The following ERBB2 variants were observed in gnomAD, a reference collection of about 807,000 sequenced individuals.
ERBB2 encodes the protein receptor tyrosine-protein kinase erbB-2.
Under a neutral mutation model 149.0 loss-of-function variants are expected in ERBB2, and 61 were observed. That is an observed-to-expected ratio of 0.41 (90% CI 0.33 to 0.51). The LOEUF is 0.51. ERBB2 is among the 20% of genes least tolerant of loss of function. The probability of loss-of-function intolerance (pLI) is 0.25; values close to 1 mark genes in which losing one functional copy is unlikely to be tolerated. For missense variants in ERBB2, 1,205 were observed against 1,655.1 expected, an observed-to-expected ratio of 0.73 and a Z score of 4.72; for synonymous variants, 633 against 678.8, an observed-to-expected ratio of 0.93 and a Z score of 1.05.
At chr17:39,699,674 G>C (rs573747122), upstream of ERBB2, 35 of 889,952 alleles carry the variant, frequency 3.9e-5, no homozygotes, top group South Asian at 4.5e-4. Flanking sequence ...AAACAAATAG[G>C]CTTGGGATGG....
rs2145854493 is a variant in ERBB2, at chr17:39,724,915, T to A, written c.2493+4T>A. 6.2e-7 allele frequency: 1 copy of A among 1,613,646 alleles called. No homozygotes were observed. Among genetic ancestry groups the A allele is most frequent in the Non-Finnish European group, 8.5e-7 (1 of 1,179,596 alleles). ...CTGGTGTATGCAGATTGCCAAGGTA[T>A]GCACCTGGGCTCTTTGCAGGTCTCT... On this transcript the variant is annotated splice_donor_region_variant and intron_variant, in intron 20 of 26. Transcript: ENST00000269571.
Position 39,723,251 on chromosome 17 carries a change from C to A in ERBB2, c.1947-68C>A. The A allele has an allele frequency of 6.6e-7, 1 of 1,506,396 alleles. No individual in the cohort carries two copies. Among genetic ancestry groups the A allele is most frequent in the Non-Finnish European group, 9.2e-7 (1 of 1,092,216 alleles). 93.3% of individuals were successfully genotyped at this position (1,506,396 alleles called of 1,614,324 possible). A position where few individuals can be genotyped will look rare whatever the true frequency, so the allele number is the denominator to read the frequency against. On this transcript the variant is annotated intron_variant, in intron 16 of 26. Transcript: ENST00000269571. The surrounding 1 kb of genome is among the most constrained non-coding windows in gnomAD (Gnocchi z 6.2). ...GAATGCCAAACACCTTCATGTCCCC[C>A]GTGGGCCCCCTTTGTCCCTCCCACC...
chr17:39,728,282 C>T lies in ERBB2; in HGVS notation c.*238C>T. On this transcript the variant is annotated 3_prime_UTR_variant, in exon 27 of 27. Coordinates refer to ENST00000269571, the MANE Select transcript of ERBB2 (RefSeq NM_004448.4). ...AGTCTTTGTGGATTCTGAGGCCCTG[C>T]CCAATGAGACTCTAGGGTCCAGTGG... The T allele has an allele frequency of 2.2e-6, 1 of 452,916 alleles. No individual in the cohort carries two copies. 28.1% of individuals were successfully genotyped at this position (452,916 alleles called of 1,614,324 possible).
In ERBB2 at chr17:39,717,397, A is replaced by G. The variant is rs538900246; in HGVS notation, c.1815A>G (p.Lys605=). Residue 605 remains lysine (K), a synonymous_variant, in exon 15 of 27, where the codon AAA becomes AAG. Coordinates refer to ENST00000269571, the MANE Select transcript of ERBB2 (RefSeq NM_004448.4). Reference sequence around the variant, plus strand: ...TGGCCCGCTGCCCCAGCGGTGTGAAACCTGACCTCTCCTACATGCCCATCT... The same window carrying G: ...TGGCCCGCTGCCCCAGCGGTGTGAAGCCTGACCTCTCCTACATGCCCATCT... The part of the protein sequence containing the change: ...FCVARCPSGV[K]PDLSYMPIWK... The G allele has an allele frequency of 1.4e-5, 23 of 1,612,900 alleles. 1 individual carries two copies. In the South Asian group the frequency reaches 2.3e-4, roughly 16 times the overall value.
upstream of ERBB2, among the ~76,000 whole-genome samples, chr17:39,690,990 C>T (rs1007698689): frequency 6.7e-6 from 1 of 149,168 alleles, no homozygotes; most frequent in African/African-American, 2.5e-5. Context: ...CTCCTGAGAT[C>T]GTGCCATTGC....
chr17:39,710,313 G>A (rs2145514786), intron 6 of ERBB2, 27 bp from the exon 7 acceptor site: 1 of 1,613,990 alleles, frequency 6.2e-7, no homozygotes, highest in Non-Finnish European at 8.5e-7. Flanking sequence ...AAACAGCACA[G>A]TGAAAGCCAG....
chr17:39,715,748 A>T lies in ERBB2; in HGVS notation c.1322A>T (p.Tyr441Phe), dbSNP rs2145651099. ...IRGRILHNGA[Y>F]SLTLQGLGIS... ...CCACCTTTCTCCCATAGTGGCGCCT[A>T]CTCGCTGACCCTGCAAGGGCTGGGC... Residue 441 changes from tyrosine (Y) to phenylalanine (F), a missense_variant, in exon 12 of 27, where the codon TAC (tyrosine) becomes TTC (phenylalanine). By Grantham distance (22) the Tyr-to-Phe change is conservative (BLOSUM62 3). Coordinates refer to ENST00000269571, the MANE Select transcript of ERBB2 (RefSeq NM_004448.4). 6.2e-7 allele frequency: 1 copy of T among 1,606,284 alleles called. No individual in the cohort carries two copies. Among genetic ancestry groups the T allele is most frequent in the Non-Finnish European group, 8.5e-7 (1 of 1,179,946 alleles).
At chr17:39,691,556 A>AAAAAAAAAAAAAATATATATATATAT (rs573116217), upstream of ERBB2, among the ~76,000 whole-genome samples, 1 of 84,200 alleles carries the variant, frequency 1.2e-5, no homozygotes, top group African/African-American at 5.0e-5. Context: ...TAAAAAAAAA[A>AAAAAAAAAAAAAATATATATATATAT]ATATATATAT....
chr17:39,717,267 T>G, intron 14 of ERBB2, 53 bp from the exon 15 acceptor site: 1 of 1,474,202 alleles, frequency 6.8e-7, no homozygotes, highest in Middle Eastern at 2.5e-4. Flanking sequence ...CTGATCCTAC[T>G]GCCCTGGGGG....
chr17:39,720,137 A>T (rs1334782032), intron 16 of ERBB2: 1 of 418,504 alleles, frequency 2.4e-6, no homozygotes, highest in Non-Finnish European at 4.4e-6. Context: ...GAGACTGAGA[A>T]GAGTACAGCT....
Position 39,727,573 on chromosome 17 carries a change from G to C in ERBB2, c.3412+26G>C, listed in dbSNP as rs2143265885. The C allele has an allele frequency of 6.3e-7, 1 of 1,586,608 alleles. No homozygotes were observed. Among genetic ancestry groups the C allele is most frequent in the Non-Finnish European group, 8.5e-7 (1 of 1,172,898 alleles). ...GTATGGAGTCCAGTCTAAGCAGAGA[G>C]ACTGATGGGCAGGGGAGGTGGGACC... On this transcript the variant is annotated intron_variant, in intron 26 of 26. Coordinates refer to ENST00000269571, the MANE Select transcript of ERBB2 (RefSeq NM_004448.4). The surrounding 1 kb of genome is among the most constrained non-coding windows in gnomAD (Gnocchi z 4.3).
rs1310555909 is a variant in ERBB2 at position 39,700,206 on chromosome 17, C to G, written c.-33C>G. On this transcript the variant is annotated 5_prime_UTR_variant, in exon 1 of 27. Transcript: ENST00000269571. ...CCGCGCCCTCCCAGCCGGGTCCAGC[C>G]GGAGCCATGGGGCCGGAGCCGCAGT... is the stretch of plus-strand genomic sequence containing the variant. The G allele has an allele frequency of 1.1e-5, 15 of 1,421,550 alleles. No homozygotes were observed. The highest frequency in any genetic ancestry group is 1.4e-5 in the Non-Finnish European group (15 of 1,091,678). The allele number at this position is 1,421,550 out of a possible 1,614,324, so 88.1% of individuals were successfully genotyped here.
At chr17:39,698,099 C>G (rs764312682), upstream of ERBB2, among the ~76,000 whole-genome samples, 4 of 152,142 alleles carry the variant, frequency 2.6e-5, no homozygotes, top group Non-Finnish European at 5.9e-5. Context: ...ATTTATTGAG[C>G]AATTATTATG....
Position 39,723,795 on chromosome 17 carries a change from A to C in ERBB2, c.2209-117A>C. On this transcript the variant is annotated intron_variant, in intron 18 of 26. Transcript: ENST00000269571. The surrounding 1 kb of genome is among the most constrained non-coding windows in gnomAD (Gnocchi z 6.2). The stretch of plus-strand genomic sequence containing the variant: ...GGAGGGCAGTTACAGCGGAGAAGGG[A>C]GCGGGGCCAAGCCCTAGGGTGGTGA... 1 of 1,478,846 alleles carries C rather than the reference A, an allele frequency of 6.8e-7. No individual in the cohort carries two copies. The highest frequency in any genetic ancestry group is 1.4e-5 in the African/African-American group (1 of 72,262). 91.6% of individuals were successfully genotyped at this position (1,478,846 alleles called of 1,614,324 possible). A position where few individuals can be genotyped will look rare whatever the true frequency, so the allele number is the denominator to read the frequency against.
At chr17:39,709,561 C>G in intron 4 of ERBB2, 109 bp downstream of exon 4, 1 of 1,285,504 alleles carries the variant, frequency 7.8e-7, no homozygotes, top group Non-Finnish European at 1.1e-6. Flanking sequence ...GCCGCCTACA[C>G]CACCCATTTC....
Position 39,723,488 on chromosome 17 carries a change from G to A in ERBB2, c.2085+31G>A, listed in dbSNP as rs747584308. Reference sequence around the variant, plus strand: ...GCGGGGTGAAGTCCTCCCAGCCCGCGTGGGGTCTGCACCGGCCCCCGGCAC... The same window carrying A: ...GCGGGGTGAAGTCCTCCCAGCCCGCATGGGGTCTGCACCGGCCCCCGGCAC... On this transcript the variant is annotated intron_variant, in intron 17 of 26. Coordinates refer to ENST00000269571, the MANE Select transcript of ERBB2 (RefSeq NM_004448.4). The surrounding 1 kb of genome is among the most constrained non-coding windows in gnomAD (Gnocchi z 6.2). 5.9e-5 allele frequency: 95 copies of A among 1,613,728 alleles called. No homozygotes were observed. The highest frequency in any genetic ancestry group is 7.5e-5 in the Non-Finnish European group (88 of 1,179,918).
rs936754943 is a variant in ERBB2, at chr17:39,728,104, C to T, written c.*60C>T. 3.9e-4 allele frequency: 488 copies of T among 1,253,232 alleles called. 1 individual carries two copies. Among genetic ancestry groups the T allele is most frequent in the Middle Eastern group, 1.9e-3 (10 of 5,152 alleles). The allele number at this position is 1,253,232 out of a possible 1,614,324, so 77.6% of individuals were successfully genotyped here. A position where few individuals can be genotyped will look rare whatever the true frequency, so the allele number is the denominator to read the frequency against. Reference sequence around the variant, plus strand: ...TCCTCAGGGAGCAGGGAAGGCCTGACTTCTGCTGGCATCAAGAGGTGGGAG... The same window carrying T: ...TCCTCAGGGAGCAGGGAAGGCCTGATTTCTGCTGGCATCAAGAGGTGGGAG... On this transcript the variant is annotated 3_prime_UTR_variant, in exon 27 of 27. Transcript: ENST00000269571.
Position 39,723,891 on chromosome 17 carries a change from T to G in ERBB2, c.2209-21T>G, listed in dbSNP as rs746502446. 1.3e-6 allele frequency: 2 copies of G among 1,599,938 alleles called. No homozygotes were observed. The highest frequency in any genetic ancestry group is 2.2e-5 in the East Asian group (1 of 44,838). ...ATCCAGCCCACGCTCTTCTCACTCA[T>G]ATCCTCCTCTTTCTGCCCAGGGCAT... On this transcript the variant is annotated intron_variant, in intron 18 of 26. Transcript: ENST00000269571. This position sits in a 1 kb window ranked among gnomAD's most constrained non-coding sequence, Gnocchi z 6.2.
chr17:39,717,533 T>G (rs1396447740), intron 15 of ERBB2, 53 bp downstream of exon 15: 1 of 1,502,498 alleles, frequency 6.7e-7, no homozygotes, highest in Non-Finnish European at 9.1e-7. Context: ...TCAGGGGTCT[T>G]TCTGGGGCTC....
Sources: gnomAD v4.1 joint callset for allele counts (sites outside exome capture counted in the v4.1 genomes callset) on GRCh38, gnomAD v4.1.1 for gene constraint, Gnocchi (gnomAD v3.1) non-coding constraint, MANE v1.5 for transcripts, NCBI Gene and HGNC (gene_info 2026-07-23, HGNC 2026-07-21) for gene names.